The following NDE1 variants were observed in gnomAD, a reference collection of about 807,000 sequenced individuals.
The protein encoded by NDE1 is nuclear distribution protein nudE homolog 1.
NDE1 carries 28 observed loss-of-function variants against 43.4 expected under a neutral mutation model. The ratio of observed to expected loss-of-function variants is 0.65; its 90% CI spans 0.48 to 0.89. The LOEUF (loss-of-function observed/expected upper bound fraction) is 0.89. NDE1 is among the 40% of genes least tolerant of loss of function. The pLI is 0.00. For missense variants in NDE1, 441 were observed against 434.1 expected, an observed-to-expected ratio of 1.02 and a Z score of -0.14; for synonymous variants, 184 against 172.0, an observed-to-expected ratio of 1.07 and a Z score of -0.55.
intron 4 of NDE1, among the ~76,000 whole-genome samples, chr16:15,682,276 A>G (rs1033645857): frequency 2.0e-5 from 3 of 152,188 alleles, no homozygotes; most frequent in Non-Finnish European, 2.9e-5. Flanking sequence ...CCTCCCCAGT[A>G]GCTGGGACTA....
chr16:15,718,768 G>C, intron 8 of NDE1: 1 of 453,736 alleles, frequency 2.2e-6, no homozygotes, highest in Non-Finnish European at 4.0e-6. Flanking sequence ...AAGCGCTGAC[G>C]GAAAACCTAA....
At chr16:15,652,205 T>C (rs2036539270) in intron 1 of NDE1, among the ~76,000 whole-genome samples, 1 of 152,122 alleles carries the variant, frequency 6.6e-6, no homozygotes, top group South Asian at 2.1e-4. Flanking sequence ...ACTCTATCAT[T>C]ATTATTATTT....
intron 8 of NDE1, among the ~76,000 whole-genome samples, chr16:15,709,990 C>G (rs149079935): frequency 6.6e-6 from 1 of 152,198 alleles, no homozygotes; most frequent in Non-Finnish European, 1.5e-5. Context: ...ACTACAGTTC[C>G]TTCTTGGCTG....
In NDE1 at chr16:15,717,241, G is replaced by A. The variant is rs368159790; in HGVS notation, c.948-6950G>A. The A allele has an allele frequency of 1.9e-6, 3 of 1,614,176 alleles. No homozygotes were observed. The highest frequency in any genetic ancestry group is 2.2e-5 in the South Asian group (2 of 91,090). On this transcript the variant is annotated intron_variant, in intron 8 of 8. Coordinates refer to ENST00000396354, the MANE Select transcript of NDE1 (RefSeq NM_017668.3). ...ACTTGACGGCCCCCTCCATCTCGTG[G>A]AGCTTGCTCCGGAGCTCCTTGTTCT... is the stretch of plus-strand genomic sequence containing the variant.
At chr16:15,683,988 T>G (rs1164129838) in intron 4 of NDE1, among the ~76,000 whole-genome samples, 1 of 151,356 alleles carries the variant, frequency 6.6e-6, no homozygotes, top group Non-Finnish European at 1.5e-5. Flanking sequence ...CCCAGCACTT[T>G]GGGAGGCTGA....
chr16:15,690,237 G>T (rs745419789), intron 5 of NDE1, among the ~76,000 whole-genome samples: 3 of 150,312 alleles, frequency 2.0e-5, no homozygotes, highest in African/African-American at 4.9e-5. Context: ...ATAGAGACGG[G>T]GTTTTGCCAT....
At chr16:15,658,280 G>C (rs2036870338) in intron 1 of NDE1, among the ~76,000 whole-genome samples, 1 of 152,240 alleles carries the variant, frequency 6.6e-6, no homozygotes, top group Admixed American at 6.5e-5. Context: ...CTGGACCTGG[G>C]CCCTCACTGG....
intron 3 of NDE1, among the ~76,000 whole-genome samples, chr16:15,672,249 A>G (rs750050951): frequency 1.2e-4 from 19 of 152,078 alleles, no homozygotes; most frequent in Non-Finnish European, 2.4e-4. Context: ...CCTCGCTAAC[A>G]TGGTGAAACC....
rs1242921022 is a variant in NDE1, at chr16:15,725,171, CAG to C, written c.*922_*923del. On this transcript the variant is annotated 3_prime_UTR_variant, in exon 9 of 9. Coordinates refer to ENST00000396354, the MANE Select transcript of NDE1 (RefSeq NM_017668.3). Reference sequence around the variant, plus strand: ...AAAACACACACACACACAAAAAAAACAGAATCTGTGGCTTGAAGGGAACTCCG... The same window carrying C: ...AAAACACACACACACACAAAAAAAACAATCTGTGGCTTGAAGGGAACTCCG... 1.1e-5 allele frequency: 7 copies of C among 638,244 alleles called. No homozygotes were observed. The highest frequency in any genetic ancestry group is 5.5e-5 in the Admixed American group (2 of 36,160). 39.5% of individuals were successfully genotyped at this position (638,244 alleles called of 1,614,324 possible).
chr16:15,724,629 AGGACAC>A lies in NDE1; in HGVS notation c.*381_*386del. 2 of 1,613,712 alleles carry A rather than the reference AGGACAC, an allele frequency of 1.2e-6. No individual in the cohort carries two copies. The highest frequency in any genetic ancestry group is 2.2e-5 in the South Asian group (2 of 91,056). On this transcript the variant is annotated 3_prime_UTR_variant, in exon 9 of 9. Coordinates refer to ENST00000396354, the MANE Select transcript of NDE1 (RefSeq NM_017668.3). ...GTTGAGAGGACCCATGAAGGAAGCA[AGGACAC>A]GGGGCAGGCACCTGGATGTTGAGAG...
intron 8 of NDE1, among the ~76,000 whole-genome samples, chr16:15,720,565 A>G (rs1183665750): frequency 1.3e-5 from 2 of 151,492 alleles, no homozygotes; most frequent in African/African-American, 4.9e-5. Flanking sequence ...CCTGGCCAAC[A>G]TGGTGAAACC....
chr16:15,681,280 T>TTTTTTTTTTTTTTC (rs2038166380), intron 4 of NDE1, among the ~76,000 whole-genome samples: 1 of 127,918 alleles, frequency 7.8e-6, no homozygotes, highest in Non-Finnish European at 1.6e-5. Context: ...TTTTTTTTTT[T>TTTTTTTTTTTTTTC]TTTGAGACTG....
chr16:15,694,470 C>G (rs1291934506), intron 7 of NDE1: 2 of 1,329,386 alleles, frequency 1.5e-6, no homozygotes, highest in African/African-American at 1.5e-5. Context: ...CTTAGCTTCC[C>G]GAGGAGCTTG....
In NDE1 at chr16:15,682,507, C is replaced by T. The variant is rs34079460; in HGVS notation, c.386+4558C>T. On this transcript the variant is annotated intron_variant, in intron 4 of 8. Coordinates refer to ENST00000396354, the MANE Select transcript of NDE1 (RefSeq NM_017668.3). ...TTGCTCTCATGGTCCTTCTTCTATA[C>T]GTCCCTCAAACGAAACTACTCACTT... Among the ~76,000 whole-genome samples the T allele has an allele frequency of 4.1e-3, 618 of 152,300 alleles. 10 individuals carry two copies. Among genetic ancestry groups the T allele is most frequent in the South Asian group, 0.024 (114 of 4,830 alleles).
At chr16:15,693,441 C>T (rs1251277916) in intron 6 of NDE1, among the ~76,000 whole-genome samples, 1 of 152,132 alleles carries the variant, frequency 6.6e-6, no homozygotes, top group Non-Finnish European at 1.5e-5. Context: ...TCACAGATGC[C>T]ATTATGTTAA....
chr16:15,694,062 G>T (rs1005500284), intron 6 of NDE1, 103 bp from the exon 7 acceptor site: 4 of 1,334,518 alleles, frequency 3.0e-6, no homozygotes, highest in Non-Finnish European at 4.2e-6. Flanking sequence ...CCGAGGAAAG[G>T]CGTCAGTGTC....
chr16:15,701,376 T>A (rs2039215978), intron 8 of NDE1: 1 of 152,188 alleles, frequency 6.6e-6, no homozygotes, highest in Non-Finnish European at 1.5e-5. Context: ...TCTGACCTCT[T>A]TTGGCAAACT....
At chr16:15,681,870 C>T (rs745874196) in intron 4 of NDE1, among the ~76,000 whole-genome samples, 1 of 152,008 alleles carries the variant, frequency 6.6e-6, no homozygotes, top group Non-Finnish European at 1.5e-5. Flanking sequence ...CCCACTGCCA[C>T]GCCTGGCTAA....
At position 15,725,795 on chromosome 16, in the gene NDE1, TGAAA is replaced by T. The variant is rs528990197; in HGVS notation, c.*1548_*1551del. ...AGGCAGGGTAAATGGCTATGCCAAG[TGAAA>T]GAAGACCAAAGACAAAAAGACCATG... is the stretch of plus-strand genomic sequence containing the variant. On this transcript the variant is annotated 3_prime_UTR_variant, in exon 9 of 9. Transcript: ENST00000396354. 4.3e-4 allele frequency: 173 copies of T among 398,446 alleles called. No homozygotes were observed. Among genetic ancestry groups the T allele is most frequent in the African/African-American group, 3.4e-3 (167 of 48,744 alleles). The allele number at this position is 398,446 out of a possible 1,614,324, so 24.7% of individuals were successfully genotyped here. A position where few individuals can be genotyped will look rare whatever the true frequency, so the allele number is the denominator to read the frequency against.
Sources: allele counts gnomAD v4.1 joint callset (sites outside exome capture counted in the v4.1 genomes callset), GRCh38; gene constraint gnomAD v4.1.1; transcripts MANE v1.5; gene names NCBI Gene and HGNC (gene_info 2026-07-23, HGNC 2026-07-21).